NUP214: variants seen among roughly 807,000 people sequenced by gnomAD.
The protein encoded by NUP214 is nucleoporin 214.
In NUP214, 79 loss-of-function variants were observed where a neutral mutation model predicts 196.2. The observed-to-expected ratio is 0.40, with a 90% CI of 0.34 to 0.49. The LOEUF (loss-of-function observed/expected upper bound fraction) is 0.49, where lower values mean the gene tolerates loss of function less well. Ranked by LOEUF, NUP214 falls within the 20% of genes least tolerant of loss-of-function variation. NUP214 has a pLI of 0.58. For synonymous variants in NUP214, 1,020 were observed against 990.5 expected (o/e 1.03, Z -0.56); for missense variants, 2,468 against 2,539.0 (o/e 0.97, Z 0.60).
chr9:131,173,797 G>C (rs1833023322), intron 21 of NUP214, among the ~76,000 whole-genome samples: 2 of 152,082 alleles, frequency 1.3e-5, no homozygotes, highest in African/African-American at 2.4e-5. Flanking sequence ...CATTAATTCT[G>C]TCTCTTACTT....
At chr9:131,158,686 ACTGT>A (rs891166596) in intron 17 of NUP214, among the ~76,000 whole-genome samples, 1 of 152,234 alleles carries the variant, frequency 6.6e-6, no homozygotes, top group Non-Finnish European at 1.5e-5. Context: ...AAATGGATGC[ACTGT>A]CTGAGTACCA....
In NUP214 at chr9:131,144,894, T is replaced by G. The variant is rs868865652; in HGVS notation, c.1769+140T>G. ...GAGTGATACTTGCAAATGGCAAAAA[T>G]TCAACCAACATAAAATACTGGCATT... On this transcript the variant is annotated intron_variant, in intron 12 of 35. Coordinates refer to ENST00000359428, the MANE Select transcript of NUP214 (RefSeq NM_005085.4). 6.2e-6 allele frequency: 4 copies of G among 643,572 alleles called. No homozygotes were observed. The Middle Eastern group carries it at 1.2e-3, about 192-fold the overall frequency. The allele number at this position is 643,572 out of a possible 1,614,324, so 39.9% of individuals were successfully genotyped here.
intron 21 of NUP214, among the ~76,000 whole-genome samples, chr9:131,166,240 C>T (rs1832783021): frequency 6.6e-6 from 1 of 152,140 alleles, no homozygotes. Flanking sequence ...CACAATATTT[C>T]CTTGTATTAG....
intron 1 of NUP214, among the ~76,000 whole-genome samples, 195 bp from the exon 2 acceptor site, chr9:131,127,329 G>C (rs1181620653): frequency 6.6e-6 from 1 of 152,194 alleles, no homozygotes; most frequent in East Asian, 1.9e-4. Flanking sequence ...GTTGCAGTGA[G>C]CCAAGATCGC....
At chr9:131,179,213 G>C (rs1054180018) in intron 24 of NUP214, among the ~76,000 whole-genome samples, 3 of 151,974 alleles carry the variant, frequency 2.0e-5, no homozygotes, top group African/African-American at 7.3e-5. Context: ...GTCACCCCAG[G>C]CTGGTCTCAA....
At chr9:131,129,878 C>T (rs1160363023) in intron 4 of NUP214, among the ~76,000 whole-genome samples, 1 of 152,066 alleles carries the variant, frequency 6.6e-6, no homozygotes, top group African/African-American at 2.4e-5. Context: ...GCTAGGATTA[C>T]AGGTGTGAGG....
chr9:131,174,198 C>G lies in NUP214; in HGVS notation c.3037C>G (p.Pro1013Ala). The G allele has an allele frequency of 1.9e-6, 3 of 1,613,970 alleles. No individual in the cohort carries two copies. The highest frequency in any genetic ancestry group is 1.7e-6 in the Non-Finnish European group (2 of 1,179,978). Residue 1013 changes from proline (P) to alanine (A), a missense_variant, in exon 22 of 36, where the codon CCT (proline) becomes GCT (alanine). Transcript: ENST00000359428. ...AGATGACGAGGCAGTGGTTCAGGCC[C>G]CTCGGCACGCCCCCGTGGTTCGCAC... ...CKDDEAVVQA[P>A]RHAPVVRTPS...
At chr9:131,142,125 T>G (rs1169056531) in intron 11 of NUP214, among the ~76,000 whole-genome samples, 1 of 152,122 alleles carries the variant, frequency 6.6e-6, no homozygotes, top group Non-Finnish European at 1.5e-5. Context: ...TGTGTACTCT[T>G]TGTGTTGTTT....
intron 30 of NUP214, among the ~76,000 whole-genome samples, chr9:131,205,464 G>T (rs1331391322): frequency 6.6e-6 from 1 of 152,044 alleles, no homozygotes; most frequent in Non-Finnish European, 1.5e-5. Flanking sequence ...ATCCCTCTTG[G>T]CCCAGCAAAT....
intron 7 of NUP214, 117 bp from the exon 8 acceptor site, chr9:131,134,781 G>T (rs1454972729): frequency 2.9e-6 from 2 of 685,258 alleles, no homozygotes; most frequent in Admixed American, 2.4e-5. Context: ...CGTATATCTG[G>T]ACTTTGAGTA....
At position 131,228,214 on chromosome 9, in the gene NUP214, C is replaced by T. The variant is rs1834776605; in HGVS notation, c.5957C>T (p.Pro1986Leu). 6.2e-7 allele frequency: 1 copy of T among 1,605,346 alleles called. No individual in the cohort carries two copies. Among genetic ancestry groups the T allele is most frequent in the Non-Finnish European group, 8.5e-7 (1 of 1,176,716 alleles). ...FGSPPTFGGS[P>L]GFGGVPAFGS... Reference sequence around the variant, plus strand: ...AGCCCTCCTACTTTTGGGGGATCCCCTGGGTTTGGAGGGGTGCCAGCATTC... The same window carrying T: ...AGCCCTCCTACTTTTGGGGGATCCCTTGGGTTTGGAGGGGTGCCAGCATTC... Residue 1986 changes from proline to leucine, a missense_variant, in exon 33 of 36, where the codon CCT becomes CTT. Coordinates refer to ENST00000359428, the MANE Select transcript of NUP214 (RefSeq NM_005085.4).
At chr9:131,156,557 GTT>G (rs552904479) in intron 17 of NUP214, among the ~76,000 whole-genome samples, 3 of 138,774 alleles carry the variant, frequency 2.2e-5, no homozygotes, top group Admixed American at 7.2e-5. Flanking sequence ...ATATTCCTAA[GTT>G]TTTTTTTTTT....
intron 27 of NUP214, among the ~76,000 whole-genome samples, chr9:131,193,316 G>T (rs1013157076): frequency 2.6e-5 from 4 of 152,158 alleles, no homozygotes; most frequent in African/African-American, 9.7e-5. Context: ...TGTGCATTCA[G>T]TTCCTTAGAA....
chr9:131,159,202 C>T, intron 17 of NUP214, 181 bp from the exon 18 acceptor site: 3 of 593,534 alleles, frequency 5.1e-6, no homozygotes, highest in Non-Finnish European at 5.9e-6. Flanking sequence ...GCCTGAGCCA[C>T]TACACCCGGC....
chr9:131,155,164 G>T (rs953115453), intron 17 of NUP214, among the ~76,000 whole-genome samples: 6 of 152,118 alleles, frequency 3.9e-5, no homozygotes, highest in African/African-American at 7.2e-5. Flanking sequence ...ATTATTTTTT[G>T]ATTTTTAAAT....
At chr9:131,170,900 C>T (rs1010346726) in intron 21 of NUP214, among the ~76,000 whole-genome samples, 2 of 151,458 alleles carry the variant, frequency 1.3e-5, no homozygotes, top group Non-Finnish European at 2.9e-5. Context: ...TCAAAAGGAG[C>T]ACTTTCTATA....
In NUP214 at chr9:131,139,283, T is replaced by A. The variant is rs1564180480; in HGVS notation, c.1008T>A (p.Ile336=). ...VSILARQSDQ[I]NWESWLLEDS... ...TTTTTTTTTTTTTTTTTTTTTAGAT[T>A]AATTGGGAATCTTGGCTACTGGAGG... Residue 336 remains isoleucine, a splice_region_variant and synonymous_variant, in exon 10 of 36, where the codon ATT becomes ATA. Transcript: ENST00000359428. 1 of 1,422,272 alleles carries A rather than the reference T, an allele frequency of 7.0e-7. No homozygotes were observed. The highest frequency in any genetic ancestry group is 2.6e-5 in the Admixed American group (1 of 38,408). The allele number at this position is 1,422,272 out of a possible 1,614,324, so 88.1% of individuals were successfully genotyped here. A position where few individuals can be genotyped will look rare whatever the true frequency, so the allele number is the denominator to read the frequency against.
At chr9:131,205,027 A>C (rs1834040056) in intron 30 of NUP214, among the ~76,000 whole-genome samples, 1 of 152,226 alleles carries the variant, frequency 6.6e-6, no homozygotes, top group Non-Finnish European at 1.5e-5. Context: ...GAATGAAGAG[A>C]AATCAAGACT....
chr9:131,207,706 A>T (rs1481967337), intron 30 of NUP214, among the ~76,000 whole-genome samples: 1 of 152,248 alleles, frequency 6.6e-6, no homozygotes, highest in Non-Finnish European at 1.5e-5. Flanking sequence ...TGCTGTGATC[A>T]TCTTTGGAAA....
Sources: gnomAD v4.1 joint callset for allele counts (sites outside exome capture counted in the v4.1 genomes callset) on GRCh38, gnomAD v4.1.1 for gene constraint, MANE v1.5 for transcripts, NCBI Gene and HGNC (gene_info 2026-07-23, HGNC 2026-07-21) for gene names.